The following POLR3B variants were observed in gnomAD, a reference collection of about 807,000 sequenced individuals.
POLR3B encodes DNA-directed RNA polymerase III subunit RPC2.
In POLR3B, 96 loss-of-function variants were observed where a neutral mutation model predicts 147.4. That is an observed-to-expected ratio of 0.65 (90% CI 0.55 to 0.77). The LOEUF (loss-of-function observed/expected upper bound fraction) is 0.77, where lower values mean the gene tolerates loss of function less well. Ranked by LOEUF, POLR3B falls within the 30% of genes least tolerant of loss-of-function variation. POLR3B has a pLI of 0.00. For synonymous variants in POLR3B, 461 were observed against 485.9 expected, an observed-to-expected ratio of 0.95 and a Z score of 0.67; for missense variants, 1,036 against 1,413.5, an observed-to-expected ratio of 0.73 and a Z score of 4.28.
chr12:106,371,623 G>A (rs2136890086), intron 6 of POLR3B, among the ~76,000 whole-genome samples: 2 of 142,724 alleles, frequency 1.4e-5, no homozygotes, highest in African/African-American at 2.4e-5. Context: ...AAAATGATGA[G>A]TTCATGTCCT....
At chr12:106,404,098 T>G (rs576047961) in intron 10 of POLR3B, among the ~76,000 whole-genome samples, 15 of 151,218 alleles carry the variant, frequency 9.9e-5, no homozygotes, top group African/African-American at 1.9e-4. Context: ...TTTTTGTTTT[T>G]TTTTTTTTTT....
chr12:106,420,296 A>G (rs982075989), intron 12 of POLR3B, among the ~76,000 whole-genome samples: 5 of 152,142 alleles, frequency 3.3e-5, no homozygotes, highest in African/African-American at 1.2e-4. Flanking sequence ...TTATATATAT[A>G]GTTTGGAGTT....
intron 12 of POLR3B, 24 bp from the exon 13 acceptor site, chr12:106,427,173 A>G (rs767153162): frequency 1.5e-6 from 2 of 1,312,382 alleles, no homozygotes; most frequent in African/African-American, 1.6e-5. Flanking sequence ...AAAAATCACC[A>G]TATACCTTTT....
At chr12:106,396,747 A>C (rs1171986884) in intron 10 of POLR3B, among the ~76,000 whole-genome samples, 1 of 152,104 alleles carries the variant, frequency 6.6e-6, no homozygotes, top group Non-Finnish European at 1.5e-5. Flanking sequence ...AAGTTAAAGA[A>C]TCAAAGATCC....
chr12:106,416,014 T>C (rs2037297341), intron 12 of POLR3B, among the ~76,000 whole-genome samples: 1 of 152,150 alleles, frequency 6.6e-6, no homozygotes, highest in Admixed American at 6.6e-5. Flanking sequence ...CTGAAAACTA[T>C]TCAGGACTCT....
intron 23 of POLR3B, among the ~76,000 whole-genome samples, chr12:106,489,661 C>T (rs2038383512): frequency 6.6e-6 from 1 of 152,186 alleles, no homozygotes; most frequent in Non-Finnish European, 1.5e-5. Flanking sequence ...ATCTGTTAAA[C>T]AAGGTTTGGT....
rs771426214 is a variant in POLR3B, at chr12:106,376,410, A to G, written c.456A>G (p.Pro152=). The G allele has an allele frequency of 6.2e-7, 1 of 1,613,744 alleles. No homozygotes were observed. The highest frequency in any genetic ancestry group is 8.5e-7 in the Non-Finnish European group (1 of 1,179,856). ...SSNCVLTGKT[P]AEFAKLNECP... is the part of the protein sequence containing the mutation. The stretch of plus-strand genomic sequence containing the variant: ...ACTGTGTTCTTACAGGAAAAACGCC[A>G]GCAGAATTTGCCAAACTGAACGAAT... The change falls in exon 7 of 28, where the codon CCA becomes CCG. Residue 152 remains proline, a synonymous_variant. Transcript: ENST00000228347.
intron 18 of POLR3B, 92 bp from the exon 19 acceptor site, chr12:106,444,371 A>G: frequency 1.6e-6 from 2 of 1,223,192 alleles, no homozygotes; most frequent in Admixed American, 1.7e-5. Flanking sequence ...AAATCCCTGG[A>G]GGACCTAGAT....
chr12:106,393,218 A>G (rs1011422986), intron 10 of POLR3B, 65 bp downstream of exon 10: 3 of 1,602,916 alleles, frequency 1.9e-6, no homozygotes, highest in Non-Finnish European at 2.6e-6. Flanking sequence ...GCTCATTGAT[A>G]AAGCTCATCG....
intron 26 of POLR3B, among the ~76,000 whole-genome samples, chr12:106,502,501 C>G (rs1448411145): frequency 6.6e-6 from 1 of 152,202 alleles, no homozygotes. Context: ...GTACAGCACC[C>G]ATCCACAGGT....
chr12:106,385,535 A>C (rs2036824256), intron 9 of POLR3B, among the ~76,000 whole-genome samples: 1 of 152,252 alleles, frequency 6.6e-6, no homozygotes, highest in South Asian at 2.1e-4. Flanking sequence ...GAAACGGAAA[A>C]GCATTTTGGG....
chr12:106,379,505 T>C (rs150119731), intron 8 of POLR3B, among the ~76,000 whole-genome samples: 10 of 152,352 alleles, frequency 6.6e-5, no homozygotes, highest in African/African-American at 2.2e-4. Context: ...TGTGGTTGAT[T>C]AGAGCTTTTA....
At chr12:106,482,047 C>T (rs1167628044) in intron 23 of POLR3B, among the ~76,000 whole-genome samples, 1 of 152,160 alleles carries the variant, frequency 6.6e-6, no homozygotes, top group Non-Finnish European at 1.5e-5. Flanking sequence ...TGCTAACAAT[C>T]ATCAGAGAAG....
At chr12:106,436,232 T>G (rs533728912) in intron 16 of POLR3B, among the ~76,000 whole-genome samples, 2 of 152,356 alleles carry the variant, frequency 1.3e-5, no homozygotes, top group East Asian at 3.9e-4. Flanking sequence ...AAGTGTCTGG[T>G]GGTTACTTGC....
chr12:106,476,007 G>GCACTTCC (rs2038164799), intron 23 of POLR3B, among the ~76,000 whole-genome samples: 1 of 151,158 alleles, frequency 6.6e-6, no homozygotes, highest in Non-Finnish European at 1.5e-5. Context: ...GCTGGTACCG[G>GCACTTCC]TTGTTCCTTT....
intron 9 of POLR3B, among the ~76,000 whole-genome samples, chr12:106,386,525 A>G (rs1593011320): frequency 1.3e-5 from 2 of 152,128 alleles, no homozygotes; most frequent in African/African-American, 4.8e-5. Context: ...ATAATCTTCT[A>G]TCACTCATGG....
Position 106,405,539 on chromosome 12 carries a change from T to TACACACAC in POLR3B, c.847-284_847-277dup, listed in dbSNP as rs71072675. Among the ~76,000 whole-genome samples the TACACACAC allele has an allele frequency of 0.12, 16,439 of 142,502 alleles. 1,130 individuals are homozygous for TACACACAC. Among genetic ancestry groups the TACACACAC allele is most frequent in the East Asian group, 0.29 (1,279 of 4,404 alleles). The allele number at this position is 142,502 out of a possible 152,430, so 93.5% of individuals were successfully genotyped here. ...GAAGGACTGATGGCTGCTATATGTC[T>TACACACAC]ACACACACACACACACACACACACA... On this transcript the variant is annotated intron_variant, in intron 10 of 27. Coordinates refer to ENST00000228347, the MANE Select transcript of POLR3B (RefSeq NM_018082.6).
chr12:106,360,100 C>T lies in POLR3B; in HGVS notation c.72+2149C>T, dbSNP rs139589906. Among the ~76,000 whole-genome samples, 540 of 152,326 alleles carry T rather than the reference C, an allele frequency of 3.5e-3. 3 individuals are homozygous for T. The highest frequency in any genetic ancestry group is 0.014 in the Middle Eastern group (4 of 294). ...TGCATATCTGAAACTTCATTCCCAC[C>T]GTTTTCCAGCCCAGAACGACTGTCC... is the stretch of plus-strand genomic sequence containing the variant. On this transcript the variant is annotated intron_variant, in intron 1 of 27. Coordinates refer to ENST00000228347, the MANE Select transcript of POLR3B (RefSeq NM_018082.6).
chr12:106,388,062 A>G (rs12425564), intron 9 of POLR3B, among the ~76,000 whole-genome samples: 1 of 152,212 alleles, frequency 6.6e-6, no homozygotes, highest in Non-Finnish European at 1.5e-5. Context: ...AGTGACAGGA[A>G]CAGCAGGGTT....
Sources: allele counts gnomAD v4.1 joint callset (sites outside exome capture counted in the v4.1 genomes callset), GRCh38; gene constraint gnomAD v4.1.1; transcripts MANE v1.5; gene names NCBI Gene and HGNC (gene_info 2026-07-23, HGNC 2026-07-21).